The following TNRC6B variants were observed in gnomAD, a reference collection of about 807,000 sequenced individuals.
The protein encoded by TNRC6B is trinucleotide repeat containing adaptor 6B, also known as trinucleotide repeat-containing gene 6B protein.
A neutral mutation model predicts 203.6 loss-of-function variants in TNRC6B; 52 were observed. The ratio of observed to expected loss-of-function variants is 0.26; its 90% confidence interval spans 0.20 to 0.32. The LOEUF (loss-of-function observed/expected upper bound fraction) is 0.32. Among genes scored for constraint, TNRC6B ranks in the 10% least tolerant of loss-of-function variants. The pLI, the probability that TNRC6B is intolerant of heterozygous loss-of-function variation, is 1.00. For missense variants in TNRC6B, 1,923 were observed against 2,286.2 expected (o/e 0.84, Z 3.24); for synonymous variants, 838 against 845.7 (o/e 0.99, Z 0.16).
chr22:40,316,216 T>C (rs991775462), intron 21 of TNRC6B, among the ~76,000 whole-genome samples: 5 of 151,834 alleles, frequency 3.3e-5, no homozygotes, highest in Non-Finnish European at 7.4e-5. Context: ...TAGCTGAGCA[T>C]GGTGGCGGGC....
At chr22:40,207,424 T>C in intron 1 of TNRC6B, among the ~76,000 whole-genome samples, 1 of 76,492 alleles carries the variant, frequency 1.3e-5, no homozygotes, top group South Asian at 4.0e-4. Flanking sequence ...AAAAAATATA[T>C]ATATATATAT....
At position 40,136,401 on chromosome 22, in the gene TNRC6B, G is replaced by GTGTGTA. The variant is rs1001146658; in HGVS notation, c.45+10540_45+10541insGTGTAT. Reference sequence around the variant, plus strand: ...TGTGTGTGTGTGTGTGTGTGTGTGTGTATACTTTTTTTTTTGAGGCAGAGT... The same window carrying GTGTGTA: ...TGTGTGTGTGTGTGTGTGTGTGTGTGTGTGTATATACTTTTTTTTTTGAGGCAGAGT... On this transcript the variant is annotated intron_variant, in intron 3 of 23. Coordinates refer to the TNRC6B transcript ENST00000301923. Among the ~76,000 whole-genome samples the GTGTGTA allele has an allele frequency of 2.8e-5, 4 of 141,072 alleles. No homozygotes were observed. The East Asian group carries it at 6.4e-4, about 22-fold the overall frequency. The allele number at this position is 141,072 out of a possible 152,430, so 92.5% of individuals were successfully genotyped here.
intron 3 of TNRC6B, among the ~76,000 whole-genome samples, chr22:40,142,937 T>G (rs984759516): frequency 6.6e-6 from 1 of 152,182 alleles, no homozygotes; most frequent in Non-Finnish European, 1.5e-5. Context: ...ATTTGAGGTG[T>G]ATCACAGAGC....
At chr22:40,104,413 T>G (rs541497983) in intron 1 of TNRC6B, among the ~76,000 whole-genome samples, 1 of 152,218 alleles carries the variant, frequency 6.6e-6, no homozygotes, top group Non-Finnish European at 1.5e-5. Context: ...ATCAAGAGTA[T>G]GCTTCCATTT....
At chr22:40,082,364 T>TG (rs1163622829) in intron 1 of TNRC6B, among the ~76,000 whole-genome samples, 1 of 152,182 alleles carries the variant, frequency 6.6e-6, no homozygotes, top group Non-Finnish European at 1.5e-5. Context: ...AGGGTGTTTC[T>TG]GACAGAGGGA....
chr22:40,253,272 A>G (rs1205777576), intron 3 of TNRC6B, among the ~76,000 whole-genome samples: 2 of 136,592 alleles, frequency 1.5e-5, no homozygotes, highest in African/African-American at 5.6e-5. Flanking sequence ...TTGTATTTTT[A>G]GTAGAGACGG....
intron 1 of TNRC6B, among the ~76,000 whole-genome samples, chr22:40,096,950 G>A (rs767368642): frequency 2.0e-5 from 3 of 152,190 alleles, no homozygotes; most frequent in African/African-American, 7.2e-5. Flanking sequence ...GACACAAAAG[G>A]TTATCAGAGT....
chr22:40,092,397 G>C (rs1195698284), intron 1 of TNRC6B, among the ~76,000 whole-genome samples: 3 of 146,688 alleles, frequency 2.0e-5, no homozygotes, highest in Admixed American at 6.7e-5. Context: ...GCAAGACTCT[G>C]TCTCAAAAAA....
chr22:40,321,294 G>C, intron 22 of TNRC6B, 65 bp downstream of exon 22: 3 of 1,563,974 alleles, frequency 1.9e-6, no homozygotes, highest in Non-Finnish European at 1.7e-6. Flanking sequence ...GAGTATTCTG[G>C]CAGCTGCTGA....
chr22:40,074,825 G>A (rs1349905237), intron 1 of TNRC6B, among the ~76,000 whole-genome samples: 1 of 151,810 alleles, frequency 6.6e-6, no homozygotes, highest in African/African-American at 2.4e-5. Context: ...GGGCATGGTG[G>A]TGTGTGCCTG....
intron 1 of TNRC6B, among the ~76,000 whole-genome samples, chr22:40,116,659 A>C (rs2068390445): frequency 6.6e-6 from 1 of 152,138 alleles, no homozygotes; most frequent in South Asian, 2.1e-4. Context: ...AAATGATAGG[A>C]CTTGCTGATG....
chr22:40,155,310 A>T (rs2146352588), intron 3 of TNRC6B, among the ~76,000 whole-genome samples: 1 of 152,174 alleles, frequency 6.6e-6, no homozygotes, highest in Middle Eastern at 3.4e-3. Flanking sequence ...GTTGGGGGAG[A>T]CGGAGTCTTG....
chr22:40,246,197 T>G, intron 2 of TNRC6B, 95 bp downstream of exon 2: 1 of 987,604 alleles, frequency 1.0e-6, no homozygotes, highest in Non-Finnish European at 1.4e-6. Flanking sequence ...ATATCTTTTA[T>G]TTTTTTTCCT....
At chr22:40,152,389 C>T (rs773688737) in intron 3 of TNRC6B, among the ~76,000 whole-genome samples, 5 of 152,204 alleles carry the variant, frequency 3.3e-5, no homozygotes, top group Admixed American at 6.5e-5. Flanking sequence ...TGCAGTGGCA[C>T]GATCTCGGCT....
intron 1 of TNRC6B, among the ~76,000 whole-genome samples, chr22:40,218,324 CTTTTTTT>C (rs71199275): frequency 1.0e-5 from 1 of 97,460 alleles, no homozygotes; most frequent in Non-Finnish European, 2.0e-5. Flanking sequence ...TTTTTCTTTT[CTTTTTTT>C]TTTTTTTTTT....
chr22:40,176,685 TAC>T (rs925262967), upstream of TNRC6B, among the ~76,000 whole-genome samples: 1 of 152,188 alleles, frequency 6.6e-6, no homozygotes, highest in Non-Finnish European at 1.5e-5. Flanking sequence ...TTATACAGTT[TAC>T]AGTCTCCTGG....
At chr22:40,186,232 A>G (rs1255310359) in intron 1 of TNRC6B, among the ~76,000 whole-genome samples, 1 of 152,140 alleles carries the variant, frequency 6.6e-6, no homozygotes, top group African/African-American at 2.4e-5. Flanking sequence ...TCCTCATCAC[A>G]GAAGATGAGG....
At chr22:40,322,360 T>G (rs2071345179) in intron 22 of TNRC6B, among the ~76,000 whole-genome samples, 1 of 152,190 alleles carries the variant, frequency 6.6e-6, no homozygotes, top group Non-Finnish European at 1.5e-5. Flanking sequence ...GAACCCCTCC[T>G]TATCACCAAA....
intron 12 of TNRC6B, among the ~76,000 whole-genome samples, chr22:40,291,545 C>T (rs1309549146): frequency 6.6e-6 from 1 of 152,172 alleles, no homozygotes; most frequent in Non-Finnish European, 1.5e-5. Flanking sequence ...CATTATTGCA[C>T]TCAGGGTCAC....
Sources: gnomAD v4.1 joint callset for allele counts (sites outside exome capture counted in the v4.1 genomes callset) on GRCh38, gnomAD v4.1.1 for gene constraint, MANE v1.5 for transcripts, NCBI Gene and HGNC (gene_info 2026-07-23, HGNC 2026-07-21) for gene names.